Variants in MED26 observed in about 807,000 individuals in gnomAD.
The protein encoded by MED26 is mediator of RNA polymerase II transcription subunit 26.
Under a neutral mutation model 43.7 loss-of-function variants are expected in MED26, and 7 were observed. That is an observed-to-expected ratio of 0.16 (90% CI 0.09 to 0.30). The LOEUF (loss-of-function observed/expected upper bound fraction) is 0.30. MED26 is among the 10% of genes least tolerant of loss of function. MED26 has a pLI of 1.00. For missense variants in MED26, 784 were observed against 840.6 expected, an observed-to-expected ratio of 0.93 and a Z score of 0.83; for synonymous variants, 375 against 371.1, an observed-to-expected ratio of 1.01 and a Z score of -0.12.
In MED26 at chr19:16,600,066, C is replaced by T. The variant is rs1427199977; in HGVS notation, c.73-21657G>A. 7.2e-5 allele frequency among the ~76,000 whole-genome samples: 11 copies of T among 152,296 alleles called. No homozygotes were observed. The East Asian group carries it at 1.9e-3, about 27-fold the overall frequency. On this transcript the variant is annotated intron_variant, in intron 1 of 2. Transcript: ENST00000263390. ...ACCCACCTGTGAGAGGGGGGACAGG[C>T]AGTCAACAGGCAGCCAGCCCAGGCC...
In MED26 at chr19:16,607,490, G is replaced by A. The variant is rs546006390; in HGVS notation, c.72+20382C>T. Among the ~76,000 whole-genome samples, 6 of 152,074 alleles carry A rather than the reference G, an allele frequency of 3.9e-5. No individual in the cohort carries two copies. In the South Asian group the frequency reaches 1.2e-3, roughly 32 times the overall value. ...CTCATGTTGGGGAAGGCAGGCAACA[G>A]ACAAGACCATAGCCACACTAAAAGC... On this transcript the variant is annotated intron_variant, in intron 1 of 2. Coordinates refer to ENST00000263390, the MANE Select transcript of MED26 (RefSeq NM_004831.5).
chr19:16,601,532 G>C (rs1180009250), intron 1 of MED26, among the ~76,000 whole-genome samples: 1 of 152,232 alleles, frequency 6.6e-6, no homozygotes, highest in African/African-American at 2.4e-5. Context: ...TGGCCTTGAA[G>C]GTGCTCCTGG....
intron 1 of MED26, 52 bp from the exon 2 acceptor site, chr19:16,578,461 G>T (rs1352267612): frequency 1.3e-6 from 2 of 1,550,980 alleles, no homozygotes; most frequent in South Asian, 1.1e-5. Flanking sequence ...CCACTGGGAG[G>T]CTGGAACACC....
At chr19:16,578,661 G>T in intron 1 of MED26, 1 of 474,566 alleles carries the variant, frequency 2.1e-6, no homozygotes, top group Non-Finnish European at 3.7e-6. Context: ...AGTGTACATG[G>T]TACATACCCA....
At position 16,617,075 on chromosome 19, in the gene MED26, T is replaced by C. The variant is rs1157499297; in HGVS notation, c.72+10797A>G. 2.6e-5 allele frequency among the ~76,000 whole-genome samples: 4 copies of C among 152,256 alleles called. No individual in the cohort carries two copies. In the East Asian group the frequency reaches 7.7e-4, roughly 29 times the overall value. ...ACCAGATAGGAAACCGTGTTCACAG[T>C]GCTCTCAACACAGAAGAATCATCAC... is the stretch of plus-strand genomic sequence containing the variant. On this transcript the variant is annotated intron_variant, in intron 1 of 2. Coordinates refer to ENST00000263390, the MANE Select transcript of MED26 (RefSeq NM_004831.5).
rs775593690 is a variant in MED26 at position 16,576,405 on chromosome 19, C to T, written c.1425G>A (p.Thr475=). ...KASLQSPFEQ[T]NWKELSRNEI... ...CGTTGCGTGACAGCTCCTTCCAGTT[C>T]GTCTGTTCGAAGGGGCTCTGGAGGC... is the stretch of plus-strand genomic sequence containing the variant. The change falls in exon 3 of 3, where the codon ACG becomes ACA. Residue 475 remains threonine, a synonymous_variant. Transcript: ENST00000263390. This position sits in a 1 kb window ranked among gnomAD's most constrained non-coding sequence, Gnocchi z 6.8. 4.3e-6 allele frequency: 7 copies of T among 1,614,102 alleles called. No homozygotes were observed. The South Asian group carries it at 4.4e-5, about 10-fold the overall frequency.
chr19:16,623,249 C>T (rs1012935557), intron 1 of MED26, among the ~76,000 whole-genome samples: 1 of 152,170 alleles, frequency 6.6e-6, no homozygotes, highest in Non-Finnish European at 1.5e-5. Context: ...TCAGAGAACA[C>T]CACGCTGCTC....
chr19:16,603,419 T>G, intron 1 of MED26, among the ~76,000 whole-genome samples: 1 of 152,130 alleles, frequency 6.6e-6, no homozygotes, highest in Non-Finnish European at 1.5e-5. Flanking sequence ...CCATCACCTC[T>G]AGGGCCACTG....
intron 1 of MED26, among the ~76,000 whole-genome samples, chr19:16,605,671 G>C (rs2086169309): frequency 6.6e-6 from 1 of 152,222 alleles, no homozygotes; most frequent in Non-Finnish European, 1.5e-5. Flanking sequence ...GGAAAGGAGA[G>C]GAGAGGCTCG....
chr19:16,590,546 GCTTTT>G (rs1325352798), intron 1 of MED26, among the ~76,000 whole-genome samples: 2 of 152,084 alleles, frequency 1.3e-5, no homozygotes, highest in Admixed American at 6.5e-5. Flanking sequence ...TGATTATAAG[GCTTTT>G]CATTTCTGGC....
At chr19:16,602,498 C>T (rs970313756) in intron 1 of MED26, among the ~76,000 whole-genome samples, 2 of 152,160 alleles carry the variant, frequency 1.3e-5, no homozygotes, top group African/African-American at 2.4e-5. Flanking sequence ...TGGGTATGTA[C>T]CCAAAAGAAC....
At chr19:16,627,821 G>A in intron 1 of MED26, 51 bp downstream of exon 1, 2 of 1,353,478 alleles carry the variant, frequency 1.5e-6, no homozygotes, top group South Asian at 1.5e-5. Flanking sequence ...GAGAGGGGGA[G>A]GGTCCCGGGC....
At chr19:16,588,646 G>A (rs891077315) in intron 1 of MED26, 4 of 152,416 alleles carry the variant, frequency 2.6e-5, no homozygotes, top group Non-Finnish European at 4.4e-5. Context: ...TGGTGTGCTG[G>A]AGACCACGCC....
rs1568278355 is a variant in MED26 at position 16,576,672 on chromosome 19, T to G, written c.1158A>C (p.Ser386=). The G allele has an allele frequency of 6.2e-7, 1 of 1,614,066 alleles. No homozygotes were observed. Residue 386 remains serine (S), a synonymous_variant, in exon 3 of 3, where the codon TCA becomes TCC. Coordinates refer to ENST00000263390, the MANE Select transcript of MED26 (RefSeq NM_004831.5). The surrounding 1 kb of genome is among the most constrained non-coding windows in gnomAD (Gnocchi z 6.8). ...SSKADSDAAS[S]GGSDSKKKKR... is the part of the protein sequence containing the mutation. The stretch of plus-strand genomic sequence containing the variant: ...TCTTCTTTTTACTGTCCGAGCCCCC[T>G]GAGGAGGCAGCATCACTGTCCGCCT...
chr19:16,616,181 A>G (rs913124708), intron 1 of MED26, among the ~76,000 whole-genome samples: 2 of 152,210 alleles, frequency 1.3e-5, no homozygotes, highest in Admixed American at 6.5e-5. Flanking sequence ...CATGCATGTG[A>G]GCACCCAGGA....
intron 1 of MED26, among the ~76,000 whole-genome samples, chr19:16,615,451 A>C (rs2086220902): frequency 6.6e-6 from 1 of 152,146 alleles, no homozygotes; most frequent in Non-Finnish European, 1.5e-5. Context: ...TTAGCTTAAA[A>C]ATTTGGGGCA....
intron 1 of MED26, among the ~76,000 whole-genome samples, chr19:16,609,308 T>C (rs2086188263): frequency 1.3e-5 from 1 of 75,706 alleles, no homozygotes; most frequent in Non-Finnish European, 2.3e-5. Flanking sequence ...CGAGACTCCG[T>C]CTCAAAAAAA....
At chr19:16,580,166 C>T (rs1028822564) in intron 1 of MED26, among the ~76,000 whole-genome samples, 4 of 152,228 alleles carry the variant, frequency 2.6e-5, no homozygotes, top group African/African-American at 9.6e-5. Flanking sequence ...TGCTCTATTC[C>T]ATTCCCACCA....
intron 1 of MED26, among the ~76,000 whole-genome samples, chr19:16,599,883 G>A (rs1294817493): frequency 1.3e-5 from 2 of 152,194 alleles, no homozygotes; most frequent in Non-Finnish European, 2.9e-5. Context: ...GAGAGGCTAT[G>A]TGCAAAGCAT....
Sources: allele counts gnomAD v4.1 joint callset (sites outside exome capture counted in the v4.1 genomes callset), GRCh38; gene constraint gnomAD v4.1.1; non-coding constraint Gnocchi (gnomAD v3.1); transcripts MANE v1.5; gene names NCBI Gene and HGNC (gene_info 2026-07-23, HGNC 2026-07-21).